PTPRN2: variants seen among roughly 807,000 people sequenced by gnomAD.
The protein encoded by PTPRN2 is protein tyrosine phosphatase receptor type N2, also known as receptor-type tyrosine-protein phosphatase N2.
A neutral mutation model predicts 118.8 loss-of-function variants in PTPRN2; 74 were observed. The ratio of observed to expected loss-of-function variants is 0.62; its 90% CI spans 0.52 to 0.76. The LOEUF is 0.76. Among genes scored for constraint, PTPRN2 ranks in the 30% least tolerant of loss-of-function variants. The probability of loss-of-function intolerance (pLI) is 0.00; values close to 1 mark genes in which losing one functional copy is unlikely to be tolerated. For synonymous variants in PTPRN2, 641 were observed against 608.0 expected (o/e 1.05, Z -0.80); for missense variants, 1,481 against 1,394.4 (o/e 1.06, Z -0.99).
Position 157,597,868 on chromosome 7 carries a change from G to A in PTPRN2, c.2419-2553C>T, listed in dbSNP as rs564663801. ...AGCATGATGATCCGAGTGGTGACATGTGTCATCGGTTTCACAATAATTCAG... is the reference window on the plus strand; with the variant it reads ...AGCATGATGATCCGAGTGGTGACATATGTCATCGGTTTCACAATAATTCAG... On this transcript the variant is annotated intron_variant, in intron 16 of 22. Transcript: ENST00000389418. 2.6e-5 allele frequency among the ~76,000 whole-genome samples: 4 copies of A among 152,350 alleles called. No homozygotes were observed. The South Asian group carries it at 8.3e-4, about 32-fold the overall frequency.
At chr7:157,914,641 A>G (rs1198792366) in intron 11 of PTPRN2, among the ~76,000 whole-genome samples, 1 of 151,428 alleles carries the variant, frequency 6.6e-6, no homozygotes, top group African/African-American at 2.4e-5. Context: ...GGAACTCCAT[A>G]GGCTTCTGGA....
At chr7:158,571,270 A>G (rs1026900911) in intron 1 of PTPRN2, among the ~76,000 whole-genome samples, 1 of 151,660 alleles carries the variant, frequency 6.6e-6, no homozygotes, top group Non-Finnish European at 1.5e-5. Flanking sequence ...GGATCACCTG[A>G]GGTCAGGAGT....
intron 13 of PTPRN2, among the ~76,000 whole-genome samples, chr7:157,673,616 C>G (rs555975608): frequency 6.6e-6 from 1 of 152,066 alleles, no homozygotes; most frequent in South Asian, 2.1e-4. Flanking sequence ...GAGCTCAGGC[C>G]CTTCCATGCT....
At chr7:158,146,037 G>C (rs918422190) in intron 6 of PTPRN2, among the ~76,000 whole-genome samples, 1 of 149,278 alleles carries the variant, frequency 6.7e-6, no homozygotes, top group African/African-American at 2.5e-5. Context: ...GAGAGGATGA[G>C]AAATCATTTT....
chr7:157,668,734 G>A (rs1266161510), intron 13 of PTPRN2, among the ~76,000 whole-genome samples: 2 of 152,204 alleles, frequency 1.3e-5, no homozygotes, highest in Non-Finnish European at 2.9e-5. Flanking sequence ...GAAAAAGCCT[G>A]CGCTCTGTCA....
At chr7:158,285,757 C>T (rs1005322095) in intron 3 of PTPRN2, among the ~76,000 whole-genome samples, 4 of 152,142 alleles carry the variant, frequency 2.6e-5, no homozygotes, top group Non-Finnish European at 5.9e-5. Context: ...ATGTCAGCTA[C>T]ACCGGCTAAC....
chr7:157,984,936 C>G (rs1410474154), intron 11 of PTPRN2, among the ~76,000 whole-genome samples: 2 of 152,170 alleles, frequency 1.3e-5, no homozygotes, highest in African/African-American at 4.8e-5. Flanking sequence ...TCCTGGCTTC[C>G]CCACCCCGTG....
At chr7:158,096,638 C>G (rs917327037) in intron 10 of PTPRN2, among the ~76,000 whole-genome samples, 2 of 152,224 alleles carry the variant, frequency 1.3e-5, no homozygotes, top group African/African-American at 2.4e-5. Context: ...TCTCGAGACA[C>G]TAGCTTGCAC....
At chr7:157,679,499 G>GA (rs1796819467) in intron 13 of PTPRN2, among the ~76,000 whole-genome samples, 1 of 152,198 alleles carries the variant, frequency 6.6e-6, no homozygotes, top group African/African-American at 2.4e-5. Flanking sequence ...TGTAAATGAA[G>GA]AAAGCTCTAA....
intron 12 of PTPRN2, among the ~76,000 whole-genome samples, chr7:157,783,081 C>T (rs1403999782): frequency 6.6e-6 from 1 of 152,180 alleles, no homozygotes; most frequent in African/African-American, 2.4e-5. Context: ...GGCTTTTCCC[C>T]CTTTGCTCGG....
chr7:158,358,169 C>T (rs541214164), intron 2 of PTPRN2, among the ~76,000 whole-genome samples: 10 of 152,294 alleles, frequency 6.6e-5, no homozygotes, highest in South Asian at 4.1e-4. Flanking sequence ...CAGCAAGCCT[C>T]GGGAGGCTGC....
intron 5 of PTPRN2, among the ~76,000 whole-genome samples, chr7:158,191,415 C>T (rs189684058): frequency 4.6e-5 from 7 of 151,836 alleles, no homozygotes; most frequent in Non-Finnish European, 1.0e-4. Flanking sequence ...TGAGCGTCGC[C>T]ATCAAACCCC....
At chr7:158,573,114 C>T (rs1369425363) in intron 1 of PTPRN2, among the ~76,000 whole-genome samples, 1 of 152,166 alleles carries the variant, frequency 6.6e-6, no homozygotes, top group Non-Finnish European at 1.5e-5. Context: ...TATTTCTTCC[C>T]TCATTTTACT....
Position 158,126,563 on chromosome 7 carries a change from C to T in PTPRN2, c.1556+7114G>A, listed in dbSNP as rs1315429189. Among the ~76,000 whole-genome samples, 3 of 76,688 alleles carry T rather than the reference C, an allele frequency of 3.9e-5. No homozygotes were observed. In the South Asian group the frequency reaches 1.8e-3, roughly 47 times the overall value. 50.3% of individuals were successfully genotyped at this position (76,688 alleles called of 152,430 possible). ...AGAGCGGGCGGCGGAACTTCCTCTC[C>T]GCCACACCAGCCCCCAGGACAGCGG... On this transcript the variant is annotated intron_variant, in intron 9 of 22. Coordinates refer to ENST00000389418, the MANE Select transcript of PTPRN2 (RefSeq NM_002847.5).
Position 158,574,489 on chromosome 7 carries a change from T to G in PTPRN2, c.112+13069A>C, listed in dbSNP as rs1224260570. Reference sequence around the variant, plus strand: ...GTGGCGCCATCAGACACTGAGACACTGAGAGGAGGGGCCACAAGGGGGATG... The same window carrying G: ...GTGGCGCCATCAGACACTGAGACACGGAGAGGAGGGGCCACAAGGGGGATG... On this transcript the variant is annotated intron_variant, in intron 1 of 22. Coordinates refer to ENST00000389418, the MANE Select transcript of PTPRN2 (RefSeq NM_002847.5). The surrounding 1 kb of genome is among the most constrained non-coding windows in gnomAD (Gnocchi z 4.6). Among the ~76,000 whole-genome samples the G allele has an allele frequency of 6.6e-6, 1 of 152,012 alleles. No individual in the cohort carries two copies. The highest frequency in any genetic ancestry group is 1.5e-5 in the Non-Finnish European group (1 of 67,986).
chr7:157,864,249 A>G (rs1286617417), intron 12 of PTPRN2: 1 of 151,718 alleles, frequency 6.6e-6, no homozygotes, highest in East Asian at 1.9e-4. Flanking sequence ...CACCATCCAG[A>G]TCTGTGACTG....
intron 3 of PTPRN2, among the ~76,000 whole-genome samples, chr7:158,238,445 C>T (rs1795690638): frequency 6.6e-6 from 1 of 152,200 alleles, no homozygotes; most frequent in Non-Finnish European, 1.5e-5. Context: ...CTTCTGGTCT[C>T]TGCCGCTCAT....
chr7:157,703,471 C>T (rs928021754), intron 12 of PTPRN2, among the ~76,000 whole-genome samples: 10 of 152,320 alleles, frequency 6.6e-5, no homozygotes, highest in Middle Eastern at 3.4e-3. Context: ...CACCAGGACC[C>T]CAGGCCCACA....
intron 14 of PTPRN2, among the ~76,000 whole-genome samples, chr7:157,648,271 GCA>G (rs1252340145): frequency 2.9e-4 from 9 of 31,384 alleles, no homozygotes; most frequent in Non-Finnish European, 3.2e-4. Flanking sequence ...GACCCATCCA[GCA>G]TGCACTGAAC....
Sources: gnomAD v4.1 joint callset for allele counts (sites outside exome capture counted in the v4.1 genomes callset) on GRCh38, gnomAD v4.1.1 for gene constraint, Gnocchi (gnomAD v3.1) non-coding constraint, MANE v1.5 for transcripts, NCBI Gene and HGNC (gene_info 2026-07-23, HGNC 2026-07-21) for gene names.